FAM20A: variants seen among roughly 807,000 people sequenced by gnomAD.
FAM20A encodes the protein FAM20A golgi associated secretory pathway pseudokinase.
Under a neutral mutation model 52.0 loss-of-function variants are expected in FAM20A, and 42 were observed. The ratio of observed to expected loss-of-function variants is 0.81; its 90% CI spans 0.63 to 1.04. The LOEUF is 1.04. Among genes scored for constraint, FAM20A ranks in the 50% least tolerant of loss-of-function variants. The pLI, the probability that FAM20A is intolerant of heterozygous loss-of-function variation, is 0.00. For synonymous variants in FAM20A, 304 were observed against 298.9 expected, an observed-to-expected ratio of 1.02 and a Z score of -0.18; for missense variants, 742 against 712.7, an observed-to-expected ratio of 1.04 and a Z score of -0.47.
chr17:68,577,433 G>A (rs1005577195), intron 1 of FAM20A, among the ~76,000 whole-genome samples: 6 of 152,318 alleles, frequency 3.9e-5, no homozygotes, highest in Admixed American at 6.5e-5. Context: ...CCAGTGGTTC[G>A]CCACTGGGGG....
chr17:68,556,215 G>T (rs2087045409), intron 1 of FAM20A, among the ~76,000 whole-genome samples: 4 of 152,146 alleles, frequency 2.6e-5, no homozygotes, highest in Non-Finnish European at 5.9e-5. Flanking sequence ...AAAGAAGAGA[G>T]GGTGCAGATC....
At chr17:68,573,587 C>T (rs2087637116) in intron 1 of FAM20A, among the ~76,000 whole-genome samples, 1 of 147,052 alleles carries the variant, frequency 6.8e-6, no homozygotes, top group African/African-American at 2.5e-5. Context: ...TCCTTCCTTT[C>T]TTTCCTTTCT....
rs192496131 is a variant in FAM20A at position 68,554,237 on chromosome 17, T to C, written c.640+540A>G. Among the ~76,000 whole-genome samples, 89 of 152,160 alleles carry C rather than the reference T, an allele frequency of 5.8e-4. No individual in the cohort carries two copies. The Middle Eastern group carries it at 0.01, about 17-fold the overall frequency. On this transcript the variant is annotated intron_variant, in intron 3 of 10. Coordinates refer to ENST00000592554, the MANE Select transcript of FAM20A (RefSeq NM_017565.4). Reference sequence around the variant, plus strand: ...ACTCCACCTCCCAGGTTCAAGTGAATCTCTTGCCTCAGCCTCCCACGCTCG... The same window carrying C: ...ACTCCACCTCCCAGGTTCAAGTGAACCTCTTGCCTCAGCCTCCCACGCTCG...
chr17:68,588,577 C>T (rs2088221637), intron 1 of FAM20A, among the ~76,000 whole-genome samples: 1 of 152,240 alleles, frequency 6.6e-6, no homozygotes, highest in Non-Finnish European at 1.5e-5. Context: ...TGATTTCATT[C>T]TGATGCCTCT....
intron 1 of FAM20A, among the ~76,000 whole-genome samples, chr17:68,581,603 T>G (rs1482067164): frequency 7.4e-6 from 1 of 135,086 alleles, no homozygotes; most frequent in Non-Finnish European, 1.6e-5. Flanking sequence ...TTTGACAGAG[T>G]CTCACTCTGT....
At chr17:68,540,072 A>G (rs534122618) in intron 8 of FAM20A, 106 bp from the exon 9 acceptor site, 56 of 566,828 alleles carry the variant, frequency 9.9e-5, no homozygotes, top group East Asian at 9.9e-4. Flanking sequence ...CTTGAGAGAC[A>G]GGGGTGTGAA....
chr17:68,549,114 T>C (rs1047541609), intron 4 of FAM20A, among the ~76,000 whole-genome samples: 4 of 152,250 alleles, frequency 2.6e-5, no homozygotes, highest in African/African-American at 9.6e-5. Context: ...AAGGAAATGC[T>C]ACAGGTTCTA....
At position 68,576,605 on chromosome 17, in the gene FAM20A, C is replaced by T. The variant is rs182070713; in HGVS notation, c.405-20862G>A. Among the ~76,000 whole-genome samples the T allele has an allele frequency of 6.6e-5, 10 of 152,320 alleles. No homozygotes were observed. In the East Asian group the frequency reaches 1.9e-3, roughly 29 times the overall value. On this transcript the variant is annotated intron_variant, in intron 1 of 10. Coordinates refer to ENST00000592554, the MANE Select transcript of FAM20A (RefSeq NM_017565.4). ...ATGCTGTGAGGGTGCTCAGTCTGGG[C>T]AGGGAGATCCTCGCTGTAGACACCT... is the stretch of plus-strand genomic sequence containing the variant.
chr17:68,540,021 C>T (rs2086218775), intron 8 of FAM20A, 55 bp from the exon 9 acceptor site: 3 of 1,514,662 alleles, frequency 2.0e-6, no homozygotes, highest in African/African-American at 1.4e-5. Flanking sequence ...GACAGGTGCT[C>T]CTGACCTGAG....
At position 68,543,714 on chromosome 17, in the gene FAM20A, G is replaced by T; in HGVS notation, c.727C>A (p.Arg243=). 2 of 1,613,824 alleles carry T rather than the reference G, an allele frequency of 1.2e-6. No homozygotes were observed. Among genetic ancestry groups the T allele is most frequent in the Non-Finnish European group, 1.7e-6 (2 of 1,179,750 alleles). The change falls in exon 5 of 11, where the codon CGA becomes AGA. Residue 243 remains arginine (R), a synonymous_variant. Coordinates refer to ENST00000592554, the MANE Select transcript of FAM20A (RefSeq NM_017565.4). ...AAGTCCACTGGTGTCTCCTCATCTC[G>T]CTGCTGTCTGGAAGGAAGGAAGGAA... The part of the protein sequence containing the change: ...KAMFKPMRQQ[R]DEETPVDFFY...
intron 1 of FAM20A, among the ~76,000 whole-genome samples, chr17:68,567,658 G>T (rs1008703122): frequency 6.6e-6 from 1 of 151,960 alleles, no homozygotes; most frequent in Non-Finnish European, 1.5e-5. Context: ...CTGAAAGTTT[G>T]TCCTGCATTG....
At chr17:68,562,371 CT>C (rs2087238982) in intron 1 of FAM20A, among the ~76,000 whole-genome samples, 1 of 152,130 alleles carries the variant, frequency 6.6e-6, no homozygotes, top group African/African-American at 2.4e-5. Flanking sequence ...GGGTCTTTTT[CT>C]TTTTGCTAAA....
chr17:68,547,112 A>T (rs12941903), intron 4 of FAM20A, among the ~76,000 whole-genome samples: 29,905 of 151,874 alleles, frequency 0.2, 3,116 homozygotes, highest in African/African-American at 0.26. Flanking sequence ...CCAGGCTTTG[A>T]GGCTCCATTT....
chr17:68,543,706 C>G lies in FAM20A; in HGVS notation c.735G>C (p.Glu245Asp). The change falls in exon 5 of 11, where the codon GAG becomes GAC. Residue 245 changes from glutamate to aspartate, a missense_variant. Glu to Asp is a conservative substitution (Grantham distance 45). Transcript: ENST00000592554. ...AGTAGAAGAAGTCCACTGGTGTCTC[C>G]TCATCTCGCTGCTGTCTGGAAGGAA... ...MFKPMRQQRD[E>D]ETPVDFFYFI... 6.2e-7 allele frequency: 1 copy of G among 1,613,856 alleles called. No homozygotes were observed. The highest frequency in any genetic ancestry group is 8.5e-7 in the Non-Finnish European group (1 of 1,179,846).
intron 1 of FAM20A, among the ~76,000 whole-genome samples, chr17:68,562,267 G>T (rs1205089292): frequency 6.6e-6 from 1 of 152,212 alleles, no homozygotes; most frequent in East Asian, 1.9e-4. Context: ...TGTAAAAACT[G>T]GAGAAAAGAG....
chr17:68,566,597 C>T (rs1185261006), intron 1 of FAM20A, among the ~76,000 whole-genome samples: 1 of 152,178 alleles, frequency 6.6e-6, no homozygotes, highest in African/African-American at 2.4e-5. Context: ...GGGAAAACAG[C>T]AAAAGCGTTA....
At chr17:68,565,578 G>C (rs1440602458) in intron 1 of FAM20A, among the ~76,000 whole-genome samples, 1 of 151,778 alleles carries the variant, frequency 6.6e-6, no homozygotes, top group Non-Finnish European at 1.5e-5. Context: ...ATTTTTAGTA[G>C]AGATGGGGTT....
intron 7 of FAM20A, chr17:68,541,263 C>T (rs1183564166): frequency 1.8e-5 from 7 of 397,376 alleles, no homozygotes; most frequent in East Asian, 1.2e-4. Context: ...CCTGCTTCCT[C>T]GTCCCTCCAC....
At chr17:68,582,193 A>G (rs1350708789) in intron 1 of FAM20A, among the ~76,000 whole-genome samples, 5 of 152,224 alleles carry the variant, frequency 3.3e-5, no homozygotes, top group African/African-American at 1.2e-4. Flanking sequence ...CACTTCAAGG[A>G]AAGTCATTGA....
Sources: allele counts gnomAD v4.1 joint callset (sites outside exome capture counted in the v4.1 genomes callset), GRCh38; gene constraint gnomAD v4.1.1; transcripts MANE v1.5; gene names NCBI Gene and HGNC (gene_info 2026-07-23, HGNC 2026-07-21).